The following ESCO2 variants were observed in gnomAD, a reference collection of about 807,000 sequenced individuals.
ESCO2 encodes the protein establishment of sister chromatid cohesion N-acetyltransferase 2.
ESCO2 carries 51 observed loss-of-function variants against 61.7 expected under a neutral mutation model. The ratio of observed to expected loss-of-function variants is 0.83; its 90% CI spans 0.66 to 1.04. ESCO2 has a LOEUF of 1.04. Among genes scored for constraint, ESCO2 ranks in the 50% least tolerant of loss-of-function variants. The pLI, the probability that ESCO2 is intolerant of heterozygous loss-of-function variation, is 0.00. For synonymous variants in ESCO2, 230 were observed against 238.2 expected (o/e 0.97, Z 0.32); for missense variants, 692 against 686.2 (o/e 1.01, Z -0.09).
rs67899310 is a variant in ESCO2 at position 27,781,561 on chromosome 8, CTT to C, written c.955+1310_955+1311del. On this transcript the variant is annotated intron_variant, in intron 4 of 10. Coordinates refer to ENST00000305188, the MANE Select transcript of ESCO2 (RefSeq NM_001017420.3). ...ACTAAGAAACTTGTATTGGTATAGA[CTT>C]TTTTTTTTTTTTTTTGAGATGGAGT... Among the ~76,000 whole-genome samples the C allele has an allele frequency of 9.8e-3, 1,332 of 136,478 alleles. 19 individuals carry two copies. Among genetic ancestry groups the C allele is most frequent in the African/African-American group, 0.034 (1,251 of 36,904 alleles). 89.5% of individuals were successfully genotyped at this position (136,478 alleles called of 152,430 possible). A position where few individuals can be genotyped will look rare whatever the true frequency, so the allele number is the denominator to read the frequency against.
downstream of ESCO2, among the ~76,000 whole-genome samples, chr8:27,816,201 A>G (rs947483810): frequency 9.2e-5 from 14 of 151,890 alleles, no homozygotes; most frequent in African/African-American, 3.4e-4. Flanking sequence ...GCTGCTTTCC[A>G]TCCTAGATTA....
At chr8:27,787,329 T>TTTTTG (rs1805068175) in intron 5 of ESCO2, among the ~76,000 whole-genome samples, 2 of 103,764 alleles carry the variant, frequency 1.9e-5, no homozygotes, top group Admixed American at 9.0e-5. Flanking sequence ...TATGTTTTTG[T>TTTTTG]TTTTTTTTTT....
chr8:27,772,215 T>A (rs1283618062), upstream of ESCO2: 3 of 545,464 alleles, frequency 5.5e-6, no homozygotes, highest in Admixed American at 3.2e-5. Context: ...GCCCACAGGC[T>A]CTGCCCAATC....
intron 5 of ESCO2, 93 bp downstream of exon 5, chr8:27,784,150 GT>G (rs200919382): frequency 5.8e-5 from 70 of 1,216,796 alleles, no homozygotes; most frequent in East Asian, 1.0e-4. Context: ...AATTTGGGGA[GT>G]TTTTTTTTCT....
chr8:27,808,980 A>G (rs1264318518), downstream of ESCO2, among the ~76,000 whole-genome samples: 1 of 152,130 alleles, frequency 6.6e-6, no homozygotes, highest in African/African-American at 2.4e-5. Flanking sequence ...AGATATCTCA[A>G]CTGTAGGAAG....
downstream of ESCO2, chr8:27,808,276 T>A: frequency 9.0e-7 from 1 of 1,109,244 alleles, no homozygotes; most frequent in Non-Finnish European, 1.2e-6. Context: ...TATCTCCTTT[T>A]ATGGAGGCAT....
chr8:27,811,179 GA>G, downstream of ESCO2: 1 of 1,582,018 alleles, frequency 6.3e-7, no homozygotes, highest in Non-Finnish European at 8.7e-7. Context: ...TACAAATCAC[GA>G]AAAGGCAAGC....
intron 10 of ESCO2, among the ~76,000 whole-genome samples, chr8:27,802,621 AAAAAAAAAAAT>A (rs1805458753): frequency 1.2e-5 from 1 of 83,768 alleles, no homozygotes; most frequent in Non-Finnish European, 2.3e-5. Flanking sequence ...AAAAAAAAAA[AAAAAAAAAAAT>A]ATATATATAT....
Position 27,804,017 on chromosome 8 carries a change from C to T in ESCO2, c.*579C>T. On this transcript the variant is annotated 3_prime_UTR_variant, in exon 11 of 11. Transcript: ENST00000305188. Reference sequence around the variant, plus strand: ...CGCTGGGATTACAGTCATGAGCCACCGTGCCCAGCCTAATTCCTGACTTCT... The same window carrying T: ...CGCTGGGATTACAGTCATGAGCCACTGTGCCCAGCCTAATTCCTGACTTCT... 9 of 986,510 alleles carry T rather than the reference C, an allele frequency of 9.1e-6. No homozygotes were observed. The highest frequency in any genetic ancestry group is 1.1e-5 in the Non-Finnish European group (9 of 830,946). The allele number at this position is 986,510 out of a possible 1,614,324, so 61.1% of individuals were successfully genotyped here.
intron 4 of ESCO2, among the ~76,000 whole-genome samples, chr8:27,781,369 A>C (rs1042676765): frequency 6.6e-6 from 1 of 152,034 alleles, no homozygotes; most frequent in Admixed American, 6.5e-5. Context: ...TCAGCTTACT[A>C]TTTTCCTCAA....
intron 7 of ESCO2, 119 bp from the exon 8 acceptor site, chr8:27,791,844 T>C: frequency 3.0e-6 from 2 of 674,716 alleles, no homozygotes; most frequent in Non-Finnish European, 4.5e-6. Flanking sequence ...GGATTTCATC[T>C]TCTTCTTTTT....
At chr8:27,773,052 A>G (rs996558178), upstream of ESCO2, among the ~76,000 whole-genome samples, 2 of 152,054 alleles carry the variant, frequency 1.3e-5, no homozygotes, top group Non-Finnish European at 2.9e-5. Flanking sequence ...AGGAATAATC[A>G]TATTCATGTA....
At chr8:27,780,372 C>T (rs1362757800) in intron 4 of ESCO2, 105 bp downstream of exon 4, 23 of 767,356 alleles carry the variant, frequency 3.0e-5, no homozygotes, top group South Asian at 1.5e-4. Flanking sequence ...TTTTCAGTAG[C>T]GTGCCTGTGG....
upstream of ESCO2, among the ~76,000 whole-genome samples, chr8:27,773,008 C>A (rs781701929): frequency 3.9e-4 from 60 of 152,154 alleles, no homozygotes; most frequent in Non-Finnish European, 7.5e-4. Context: ...CCATCCCAAA[C>A]CTCTGAACCT....
Position 27,803,643 on chromosome 8 carries a change from A to C in ESCO2, c.*205A>C. 7.4e-7 allele frequency: 1 copy of C among 1,351,432 alleles called. No homozygotes were observed. Among genetic ancestry groups the C allele is most frequent in the Admixed American group, 3.4e-5 (1 of 29,834 alleles). The allele number at this position is 1,351,432 out of a possible 1,614,324, so 83.7% of individuals were successfully genotyped here. A position where few individuals can be genotyped will look rare whatever the true frequency, so the allele number is the denominator to read the frequency against. On this transcript the variant is annotated 3_prime_UTR_variant, in exon 11 of 11. Transcript: ENST00000305188. ...TAAATTTGTTGAAAATTATCTGGGGATTCAAAGGAAAAATCTTTGGGTGAT... is the reference window on the plus strand; with the variant it reads ...TAAATTTGTTGAAAATTATCTGGGGCTTCAAAGGAAAAATCTTTGGGTGAT...
At chr8:27,790,120 C>G (rs1420047268) in intron 7 of ESCO2, among the ~76,000 whole-genome samples, 2 of 152,176 alleles carry the variant, frequency 1.3e-5, no homozygotes, top group African/African-American at 4.8e-5. Flanking sequence ...TGGCCCCTGC[C>G]CACCTTGTCA....
At chr8:27,773,741 A>G (rs765017438), upstream of ESCO2, 2 of 152,256 alleles carry the variant, frequency 1.3e-5, no homozygotes, top group Non-Finnish European at 2.9e-5. Flanking sequence ...TGTGAAAATT[A>G]AATTTGAAAA....
At chr8:27,793,882 G>A (rs556978674) in intron 9 of ESCO2, among the ~76,000 whole-genome samples, 90 of 152,162 alleles carry the variant, frequency 5.9e-4, no homozygotes, top group South Asian at 3.9e-3. Flanking sequence ...CTTTACCAAC[G>A]TTTCCCCATT....
chr8:27,774,479 C>G (rs543933018), upstream of ESCO2: 2 of 152,328 alleles, frequency 1.3e-5, no homozygotes, highest in African/African-American at 4.8e-5. Flanking sequence ...CCGAGCCAGC[C>G]CCTGGAAGCG....
Sources: gnomAD v4.1 joint callset for allele counts (sites outside exome capture counted in the v4.1 genomes callset) on GRCh38, gnomAD v4.1.1 for gene constraint, MANE v1.5 for transcripts, NCBI Gene and HGNC (gene_info 2026-07-23, HGNC 2026-07-21) for gene names.